TYRO3: variants seen among roughly 807,000 people sequenced by gnomAD.
The protein encoded by TYRO3 is TYRO3 protein tyrosine kinase, also known as tyrosine-protein kinase receptor TYRO3.
Under a neutral mutation model 95.2 loss-of-function variants are expected in TYRO3, and 38 were observed. The observed-to-expected ratio is 0.40, with a 90% CI of 0.31 to 0.52. The LOEUF (loss-of-function observed/expected upper bound fraction) is 0.52, where lower values mean the gene tolerates loss of function less well. TYRO3 is among the 20% of genes least tolerant of loss of function. The pLI is 0.56. For synonymous variants in TYRO3, 367 were observed against 432.9 expected (o/e 0.85, Z 1.89); for missense variants, 812 against 1,116.4 (o/e 0.73, Z 3.89).
rs760173329 is a variant in TYRO3, at chr15:41,579,164, G to C, written c.*888G>C. The C allele has an allele frequency of 1.3e-5, 2 of 152,288 alleles. No individual in the cohort carries two copies. The highest frequency in any genetic ancestry group is 2.9e-5 in the Non-Finnish European group (2 of 68,162). 9.4% of individuals were successfully genotyped at this position (152,288 alleles called of 1,614,324 possible). A position where few individuals can be genotyped will look rare whatever the true frequency, so the allele number is the denominator to read the frequency against. On this transcript the variant is annotated 3_prime_UTR_variant, in exon 19 of 19. Coordinates refer to ENST00000263798, the MANE Select transcript of TYRO3 (RefSeq NM_006293.4). ...CCCCTCTAACTGGACAGCCTCTTCTGTCCCAAGTCTCCAGAGAGAAATCAG... is the reference window on the plus strand; with the variant it reads ...CCCCTCTAACTGGACAGCCTCTTCTCTCCCAAGTCTCCAGAGAGAAATCAG...
chr15:41,571,633 A>G lies in TYRO3; in HGVS notation c.1699A>G (p.Arg567Gly), dbSNP rs200699459. The change falls in exon 14 of 19, where the codon AGG becomes GGG. Residue 567 changes from arginine (R) to glycine (G), a missense_variant. Physicochemically the swap from Arg to Gly is moderately radical, Grantham distance 125. Coordinates refer to ENST00000263798, the MANE Select transcript of TYRO3 (RefSeq NM_006293.4). Reference protein sequence around the residue: ...IASSDIEEFLREAACMKEFDH... With the variant: ...IASSDIEEFLGEAACMKEFDH... Reference sequence around the variant, plus strand: ...CTCAAGCGACATTGAAGAGTTCCTCAGGGAAGCAGCTTGCATGAAGGAGTT... The same window carrying G: ...CTCAAGCGACATTGAAGAGTTCCTCGGGGAAGCAGCTTGCATGAAGGAGTT... The G allele has an allele frequency of 3.1e-6, 5 of 1,613,946 alleles. No individual in the cohort carries two copies. The highest frequency in any genetic ancestry group is 2.2e-5 in the East Asian group (1 of 44,876).
rs2055889984 is a variant in TYRO3 at position 41,578,580 on chromosome 15, G to A, written c.*304G>A. On this transcript the variant is annotated 3_prime_UTR_variant, in exon 19 of 19. Transcript: ENST00000263798. ...TTATGTTTCCATGGTTACCATGGGT[G>A]TGGATGGCAGTGTGGGGAGGGCAGG... The A allele has an allele frequency of 6.6e-6, 3 of 454,466 alleles. No homozygotes were observed. Among genetic ancestry groups the A allele is most frequent in the South Asian group, 5.0e-5 (2 of 40,262 alleles). The allele number at this position is 454,466 out of a possible 1,614,324, so 28.2% of individuals were successfully genotyped here.
chr15:41,559,928 C>T (rs1013777247), intron 1 of TYRO3, among the ~76,000 whole-genome samples: 2 of 152,222 alleles, frequency 1.3e-5, no homozygotes, highest in Non-Finnish European at 2.9e-5. Flanking sequence ...TGCCAGGTTG[C>T]TGGTCTTTGG....
At chr15:41,575,169 T>C (rs1042295521) in intron 18 of TYRO3, among the ~76,000 whole-genome samples, 1 of 152,242 alleles carries the variant, frequency 6.6e-6, no homozygotes, top group Non-Finnish European at 1.5e-5. Context: ...GGTCCTTCCC[T>C]TGGACAGTGG....
At chr15:41,577,539 AG>A (rs1376700304) in intron 18 of TYRO3, 1 of 164,288 alleles carries the variant, frequency 6.1e-6, no homozygotes, top group East Asian at 1.7e-4. Flanking sequence ...CATGTTGGTC[AG>A]GCTGGTCTCG....
chr15:41,562,825 C>A, intron 4 of TYRO3, 107 bp downstream of exon 4: 1 of 1,188,260 alleles, frequency 8.4e-7, no homozygotes, highest in Non-Finnish European at 1.2e-6. Flanking sequence ...GCGTCCAGAG[C>A]AAGCCCCAGT....
chr15:41,568,633 A>C (rs529451134), intron 8 of TYRO3, among the ~76,000 whole-genome samples: 4 of 152,192 alleles, frequency 2.6e-5, no homozygotes, highest in Admixed American at 2.6e-4. Flanking sequence ...CTTTGTCCCC[A>C]GCTCAGTTCG....
In TYRO3 at chr15:41,573,413, G is replaced by A. The variant is rs1179661485; in HGVS notation, c.2091G>A (p.Lys697=). ...GCTGTGCCTCCAAACTGCCTGTCAA[G>A]TGGCTGGCCCTGGAGAGCCTGGCCG... ...RQGCASKLPV[K]WLALESLADN... is the part of the protein sequence containing the mutation. The change falls in exon 17 of 19, where the codon AAG becomes AAA. Residue 697 remains lysine, a synonymous_variant. Coordinates refer to ENST00000263798, the MANE Select transcript of TYRO3 (RefSeq NM_006293.4). 8 of 1,614,272 alleles carry A rather than the reference G, an allele frequency of 5.0e-6. No homozygotes were observed. The highest frequency in any genetic ancestry group is 1.7e-5 in the Admixed American group (1 of 60,030).
intron 8 of TYRO3, 146 bp downstream of exon 8, chr15:41,568,508 G>A: frequency 1.3e-6 from 1 of 779,760 alleles, no homozygotes; most frequent in Non-Finnish European, 2.0e-6. Flanking sequence ...ACCCTCCTCT[G>A]CAAGCTCCAC....
chr15:41,562,331 C>CAAA (rs11363130), intron 3 of TYRO3: 293 of 173,692 alleles, frequency 1.7e-3, no homozygotes, highest in Middle Eastern at 3.6e-3. Context: ...CGACCAATCT[C>CAAA]AAAAAAAAAA....
At chr15:41,576,669 T>TA (rs1296839035) in intron 18 of TYRO3, among the ~76,000 whole-genome samples, 35,824 of 84,656 alleles carry the variant, frequency 0.42, 8,556 homozygotes, top group Non-Finnish European at 0.52. Flanking sequence ...TTTTTTTTTT[T>TA]AAAAAAAAAA....
At chr15:41,569,094 GAGGAGCCTAGTAGCA>G in intron 9 of TYRO3, 72 bp downstream of exon 9, 1 of 1,566,200 alleles carries the variant, frequency 6.4e-7, no homozygotes, top group Non-Finnish European at 8.7e-7. Context: ...AGACTGATGG[GAGGAGCCTAGTAGCA>G]TCTCCCCTCC....
intron 9 of TYRO3, 99 bp downstream of exon 9, chr15:41,569,121 A>T (rs920528274): frequency 1.4e-6 from 2 of 1,404,122 alleles, no homozygotes; most frequent in African/African-American, 2.8e-5. Context: ...CTCCCCTCCT[A>T]GTAGACCCAC....
rs1354000958 is a variant in TYRO3, at chr15:41,579,481, C to T, written c.*1205C>T. The stretch of plus-strand genomic sequence containing the variant: ...TCTTGTGCCTCAGTCACCAGAGTAG[C>T]TGGGATTACAGGGGCTCACTACCAT... On this transcript the variant is annotated 3_prime_UTR_variant, in exon 19 of 19. Coordinates refer to ENST00000263798, the MANE Select transcript of TYRO3 (RefSeq NM_006293.4). 1 of 151,708 alleles carries T rather than the reference C, an allele frequency of 6.6e-6. No individual in the cohort carries two copies. The highest frequency in any genetic ancestry group is 2.4e-5 in the African/African-American group (1 of 41,206). 9.4% of individuals were successfully genotyped at this position (151,708 alleles called of 1,614,324 possible). A position where few individuals can be genotyped will look rare whatever the true frequency, so the allele number is the denominator to read the frequency against.
At chr15:41,570,766 G>A in intron 12 of TYRO3, 67 bp downstream of exon 12, 1 of 1,469,010 alleles carries the variant, frequency 6.8e-7, no homozygotes, top group Non-Finnish European at 9.5e-7. Flanking sequence ...GGTTGCCCCT[G>A]TCACTTTGAG....
chr15:41,570,766 G>C, intron 12 of TYRO3, 67 bp downstream of exon 12: 1 of 1,469,008 alleles, frequency 6.8e-7, no homozygotes, highest in South Asian at 1.1e-5. Context: ...GGTTGCCCCT[G>C]TCACTTTGAG....
intron 4 of TYRO3, 150 bp downstream of exon 4, chr15:41,562,868 T>G: frequency 1.2e-6 from 1 of 808,538 alleles, no homozygotes; most frequent in Non-Finnish European, 1.9e-6. Flanking sequence ...ATTACTAAGC[T>G]CATTAGTCAG....
chr15:41,570,859 G>A, intron 12 of TYRO3, 160 bp downstream of exon 12: 1 of 918,746 alleles, frequency 1.1e-6, no homozygotes. Flanking sequence ...ATGGTGGCTG[G>A]AGACAGGGAG....
chr15:41,567,527 C>A lies in TYRO3; in HGVS notation c.951C>A (p.Thr317=), dbSNP rs760454041. 11 of 1,573,438 alleles carry A rather than the reference C, an allele frequency of 7.0e-6. No homozygotes were observed. Among genetic ancestry groups the A allele is most frequent in the Non-Finnish European group, 9.5e-6 (11 of 1,163,960 alleles). Reference sequence around the variant, plus strand: ...ATGCTGACTGGGTGCCCTTTCAGACCAAGGGTCTAGGTAAGGGATGCATAG... The same window carrying A: ...ATGCTGACTGGGTGCCCTTTCAGACAAAGGGTCTAGGTAAGGGATGCATAG... ...SPYADWVPFQ[T]KGLAPASAPQ... is the part of the protein sequence containing the mutation. Residue 317 remains threonine, a synonymous_variant, in exon 7 of 19, where the codon ACC becomes ACA. Coordinates refer to ENST00000263798, the MANE Select transcript of TYRO3 (RefSeq NM_006293.4).
Sources: allele counts gnomAD v4.1 joint callset (sites outside exome capture counted in the v4.1 genomes callset), GRCh38; gene constraint gnomAD v4.1.1; transcripts MANE v1.5; gene names NCBI Gene and HGNC (gene_info 2026-07-23, HGNC 2026-07-21).